Variants in DCDC2 observed in about 807,000 individuals in gnomAD.
DCDC2 encodes doublecortin domain containing 2, also known as doublecortin domain-containing protein 2.
Under a neutral mutation model 50.2 loss-of-function variants are expected in DCDC2, and 40 were observed. That is an observed-to-expected ratio of 0.80 (90% CI 0.62 to 1.04). The LOEUF (loss-of-function observed/expected upper bound fraction) is 1.04. Ranked by LOEUF, DCDC2 falls within the 50% of genes least tolerant of loss-of-function variation. DCDC2 has a pLI of 0.00. For missense variants in DCDC2, 570 were observed against 581.9 expected (o/e 0.98, Z 0.21); for synonymous variants, 234 against 210.6 (o/e 1.11, Z -0.96).
chr6:24,359,502 A>ATT (rs1263766099), upstream of DCDC2, among the ~76,000 whole-genome samples: 4 of 96,570 alleles, frequency 4.1e-5, no homozygotes, highest in African/African-American at 1.3e-4. Flanking sequence ...TATTATATAT[A>ATT]TTTTATATAT....
rs1218492627 is a variant in DCDC2, at chr6:24,178,323, G to C, written c.1326+7C>G. 4 of 1,610,914 alleles carry C rather than the reference G, an allele frequency of 2.5e-6. No individual in the cohort carries two copies. Among genetic ancestry groups the C allele is most frequent in the South Asian group, 1.1e-5 (1 of 90,700 alleles). The stretch of plus-strand genomic sequence containing the variant: ...TTCACATAAGCAAGCAAAAGCAATA[G>C]AAATACCTCATCTTGTCCACTGCCA... On this transcript the variant is annotated splice_region_variant and intron_variant, in intron 9 of 9. Transcript: ENST00000378454.
At chr6:24,370,698 A>G in the DCDC2 span, among the ~76,000 whole-genome samples, 1 of 152,376 alleles carries the variant, frequency 6.6e-6, no homozygotes, top group South Asian at 2.1e-4. Flanking sequence ...TGGCAAAGAG[A>G]GACCCTGTCT....
chr6:24,180,106 A>G (rs949058125), intron 8 of DCDC2, among the ~76,000 whole-genome samples: 3 of 152,056 alleles, frequency 2.0e-5, no homozygotes, highest in African/African-American at 4.8e-5. Context: ...CATTTGTAAA[A>G]TGGGAACGTA....
upstream of DCDC2, among the ~76,000 whole-genome samples, chr6:24,358,885 ATAT>A (rs1196337662): frequency 1.7e-4 from 6 of 34,700 alleles, no homozygotes; most frequent in East Asian, 4.6e-3. Context: ...TGTATTATAT[ATAT>A]TTATATATAT....
At chr6:24,199,670 A>C (rs1761537509) in intron 8 of DCDC2, among the ~76,000 whole-genome samples, 1 of 152,224 alleles carries the variant, frequency 6.6e-6, no homozygotes, top group African/African-American at 2.4e-5. Flanking sequence ...AGTTTGATGA[A>C]TTGACAGAAG....
chr6:24,283,059 GACA>G (rs537995440), intron 6 of DCDC2, among the ~76,000 whole-genome samples: 376 of 152,194 alleles, frequency 2.5e-3, no homozygotes, highest in Non-Finnish European at 4.0e-3. Context: ...TGGTAATAAG[GACA>G]ACAAAAGATC....
At chr6:24,308,805 C>T (rs1027750746) in intron 2 of DCDC2, among the ~76,000 whole-genome samples, 7 of 152,166 alleles carry the variant, frequency 4.6e-5, no homozygotes, top group African/African-American at 1.4e-4. Context: ...TCATTCCATG[C>T]GCTTTAGCAA....
At chr6:24,283,382 A>G (rs1321615967) in intron 6 of DCDC2, among the ~76,000 whole-genome samples, 2 of 152,168 alleles carry the variant, frequency 1.3e-5, no homozygotes, top group African/African-American at 4.8e-5. Context: ...CTCCCTGACC[A>G]ACTCAGTTAC....
chr6:24,204,760 C>T lies in DCDC2; in HGVS notation c.1023+242G>A, dbSNP rs943690288. Reference sequence around the variant, plus strand: ...TCCCATCCCATCTTGCTCTTCAATGCTCTTTATTAAGGAAATACCATTTGC... The same window carrying T: ...TCCCATCCCATCTTGCTCTTCAATGTTCTTTATTAAGGAAATACCATTTGC... On this transcript the variant is annotated intron_variant, in intron 8 of 9. Transcript: ENST00000378454. Among the ~76,000 whole-genome samples, 49 of 152,106 alleles carry T rather than the reference C, an allele frequency of 3.2e-4. 1 individual carries two copies. The highest frequency in any genetic ancestry group is 1.3e-3 in the Admixed American group (20 of 15,264).
intron 7 of DCDC2, among the ~76,000 whole-genome samples, chr6:24,207,885 T>A (rs1395678776): frequency 6.6e-6 from 1 of 152,190 alleles, no homozygotes; most frequent in Non-Finnish European, 1.5e-5. Flanking sequence ...CTCATGGGCA[T>A]CCTGATTTTG....
intron 7 of DCDC2, among the ~76,000 whole-genome samples, chr6:24,231,924 T>C (rs945196514): frequency 1.3e-5 from 2 of 152,046 alleles, no homozygotes; most frequent in African/African-American, 4.8e-5. Context: ...AATTATTCAC[T>C]GAGCACATTA....
intron 7 of DCDC2, among the ~76,000 whole-genome samples, chr6:24,207,256 T>TTCTCTCTC (rs60603298): frequency 0.013 from 1,713 of 129,640 alleles, 23 homozygotes; most frequent in East Asian, 0.028. Context: ...CCATCTATCT[T>TTCTCTCTC]TCTCTCTCTC....
At chr6:24,233,109 T>A (rs1762372854) in intron 7 of DCDC2, among the ~76,000 whole-genome samples, 1 of 152,220 alleles carries the variant, frequency 6.6e-6, no homozygotes, top group African/African-American at 2.4e-5. Context: ...GCGATCAGAC[T>A]TCATCACAAA....
chr6:24,360,778 C>T (rs1416244504), upstream of DCDC2, among the ~76,000 whole-genome samples: 1 of 152,100 alleles, frequency 6.6e-6, no homozygotes, highest in Non-Finnish European at 1.5e-5. Flanking sequence ...ATTAATTGAA[C>T]ACTATAACCA....
At chr6:24,202,867 A>C (rs1761619151) in intron 8 of DCDC2, among the ~76,000 whole-genome samples, 1 of 152,210 alleles carries the variant, frequency 6.6e-6, no homozygotes, top group Non-Finnish European at 1.5e-5. Context: ...CCAAATCATG[A>C]GTGAACTCCC....
intron 8 of DCDC2, among the ~76,000 whole-genome samples, chr6:24,188,168 ATCTC>A: frequency 6.6e-6 from 1 of 152,206 alleles, no homozygotes. Context: ...GAGCCTCTGC[ATCTC>A]TCTCAGCTCC....
chr6:24,316,498 T>C (rs750790256), intron 2 of DCDC2, among the ~76,000 whole-genome samples: 4 of 152,130 alleles, frequency 2.6e-5, no homozygotes, highest in Non-Finnish European at 5.9e-5. Context: ...AAGAAACAAA[T>C]GCCTAAATAC....
intron 2 of DCDC2, among the ~76,000 whole-genome samples, chr6:24,311,922 C>G (rs1316638631): frequency 6.6e-6 from 1 of 152,210 alleles, no homozygotes; most frequent in Non-Finnish European, 1.5e-5. Context: ...ATCATATCCC[C>G]TGTGACCTGC....
chr6:24,263,917 G>A (rs1431027356), intron 7 of DCDC2, among the ~76,000 whole-genome samples: 1 of 152,094 alleles, frequency 6.6e-6, no homozygotes, highest in African/African-American at 2.4e-5. Context: ...ACCCAAATAA[G>A]ACAACCTCAA....
Sources: gnomAD v4.1 joint callset for allele counts (sites outside exome capture counted in the v4.1 genomes callset) on GRCh38, gnomAD v4.1.1 for gene constraint, MANE v1.5 for transcripts, NCBI Gene and HGNC (gene_info 2026-07-23, HGNC 2026-07-21) for gene names.